The following IPO5 variants were observed in gnomAD, a reference collection of about 807,000 sequenced individuals.
The protein encoded by IPO5 is importin-5.
IPO5 carries 18 observed loss-of-function variants against 143.3 expected under a neutral mutation model. That is an observed-to-expected ratio of 0.13 (90% confidence interval 0.09 to 0.19). The LOEUF (loss-of-function observed/expected upper bound fraction) is 0.19, where lower values mean the gene tolerates loss of function less well. Ranked by LOEUF, IPO5 falls within the 10% of genes least tolerant of loss-of-function variation. IPO5 has a pLI of 1.00. For missense variants in IPO5, 1,013 were observed against 1,336.9 expected (o/e 0.76, Z 3.78); for synonymous variants, 477 against 465.7 (o/e 1.02, Z -0.31).
chr13:97,975,987 G>A (rs748294981), intron 3 of IPO5: 196 of 984,550 alleles, frequency 2.0e-4, no homozygotes, highest in Non-Finnish European at 2.3e-4. Context: ...CGAGAAGTCC[G>A]TGAGTAGAAG....
Position 97,993,001 on chromosome 13 carries a change from A to G in IPO5, c.779A>G (p.Gln260Arg). ...CGTCCTCACTTGGAAGCAACTCTAC[A>G]GCTAAGTCTAAAGGTAAATTAAGTA... ...YLRPHLEATL[Q>R]LSLKLCGDTS... The change falls in exon 10 of 29, where the codon CAG (glutamine) becomes CGG (arginine). Residue 260 changes from glutamine (Q) to arginine (R), a missense_variant. By Grantham distance (43) the Gln-to-Arg change is conservative (BLOSUM62 1). Around this residue, in one of 2 missense-constraint regions of IPO5, gnomAD observed 328 missense variants for 342.0 expected, o/e 0.96. Coordinates refer to ENST00000651721, the MANE Select transcript of IPO5 (RefSeq NM_002271.6). 3.1e-6 allele frequency: 5 copies of G among 1,613,652 alleles called. No individual in the cohort carries two copies. Among genetic ancestry groups the G allele is most frequent in the Non-Finnish European group, 4.2e-6 (5 of 1,179,638 alleles).
intron 3 of IPO5, among the ~76,000 whole-genome samples, chr13:97,975,332 T>C (rs990548308): frequency 3.3e-5 from 5 of 151,832 alleles, no homozygotes. Flanking sequence ...CTACTAAAAA[T>C]ACAAAAAAGT....
chr13:97,987,273 G>A (rs1887446260), intron 6 of IPO5: 1 of 151,670 alleles, frequency 6.6e-6, no homozygotes, highest in Non-Finnish European at 1.5e-5. Flanking sequence ...TTTTTAGACA[G>A]GGATTTATAA....
intron 6 of IPO5, 118 bp from the exon 7 acceptor site, chr13:97,988,944 A>T (rs1211844822): frequency 7.0e-6 from 4 of 569,460 alleles, no homozygotes; most frequent in Non-Finnish European, 1.3e-5. Flanking sequence ...AAAAATAGCA[A>T]AAGTGACATT....
intron 5 of IPO5, among the ~76,000 whole-genome samples, chr13:97,983,650 C>T (rs570033895): frequency 6.9e-6 from 1 of 145,814 alleles, no homozygotes; most frequent in Admixed American, 7.3e-5. Flanking sequence ...GTCTAGAAAA[C>T]TATTCTACCT....
In IPO5 at chr13:98,021,106, T is replaced by G. The variant is rs1330228809; in HGVS notation, c.3180T>G (p.Arg1060=). The G allele has an allele frequency of 1.2e-6, 2 of 1,608,600 alleles. No homozygotes were observed. The highest frequency in any genetic ancestry group is 1.7e-6 in the Non-Finnish European group (2 of 1,178,202). The part of the protein sequence containing the change: ...AIKHEDPCAK[R]LANVVRQVQT... ...AACATGAAGATCCTTGTGCCAAACG[T>G]CTGGCCAATGTCGTTCGCCAAGTAC... Residue 1060 remains arginine, a synonymous_variant, in exon 28 of 29, where the codon CGT becomes CGG. Transcript: ENST00000651721.
At chr13:97,990,036 A>G in intron 7 of IPO5, 90 bp from the exon 8 acceptor site, 1 of 777,912 alleles carries the variant, frequency 1.3e-6, no homozygotes, top group South Asian at 1.6e-5. Flanking sequence ...TGAGTCAGGT[A>G]AACAAACAGT....
chr13:97,975,247 G>C (rs1886172257), intron 3 of IPO5, among the ~76,000 whole-genome samples: 1 of 125,740 alleles, frequency 8.0e-6, no homozygotes, highest in African/African-American at 2.9e-5. Flanking sequence ...GAGGCGGGGG[G>C]AGGGCGGGGG....
At chr13:98,020,884 G>A (rs1193948405) in intron 27 of IPO5, 108 bp from the exon 28 acceptor site, 5 of 786,528 alleles carry the variant, frequency 6.4e-6, no homozygotes, top group Admixed American at 5.9e-5. Context: ...ATATAAGATT[G>A]GCTGGTTTTC....
intron 2 of IPO5, among the ~76,000 whole-genome samples, chr13:97,959,181 AAAAG>A (rs1169261490): frequency 2.6e-5 from 4 of 151,844 alleles, no homozygotes; most frequent in African/African-American, 4.8e-5. Context: ...CAAAAAAAAA[AAAAG>A]AGAGAGAACA....
intron 11 of IPO5, 67 bp downstream of exon 11, chr13:97,993,292 G>T (rs1887953999): frequency 1.5e-6 from 2 of 1,333,698 alleles, no homozygotes; most frequent in Non-Finnish European, 1.1e-6. Context: ...TTTGCTGAGG[G>T]TTGTGTGATT....
intron 13 of IPO5, chr13:98,002,172 G>C (rs1888855685): frequency 1.1e-5 from 2 of 178,428 alleles, no homozygotes; most frequent in South Asian, 2.9e-4. Flanking sequence ...CTGCCACCGT[G>C]CCCGGCTAAT....
In IPO5 at chr13:97,990,078, G is replaced by C. The variant is rs772631020; in HGVS notation, c.468-48G>C. 36 of 1,102,878 alleles carry C rather than the reference G, an allele frequency of 3.3e-5. 1 individual carries two copies. The Admixed American group carries it at 6.3e-4, about 19-fold the overall frequency. 68.3% of individuals were successfully genotyped at this position (1,102,878 alleles called of 1,614,324 possible). On this transcript the variant is annotated intron_variant, in intron 7 of 28. Transcript: ENST00000651721. ...GAGATTCTAGCTCATACTTTACCAA[G>C]ATATTAATATAATGTAGTTTTTAAA...
intron 2 of IPO5, among the ~76,000 whole-genome samples, chr13:97,964,726 G>A (rs944510850): frequency 6.6e-6 from 1 of 151,636 alleles, no homozygotes; most frequent in African/African-American, 2.4e-5. Context: ...TGGGATTACA[G>A]GCGTGAGCCA....
intron 11 of IPO5, among the ~76,000 whole-genome samples, chr13:97,994,568 C>G (rs1458781709): frequency 6.6e-6 from 1 of 152,116 alleles, no homozygotes; most frequent in Non-Finnish European, 1.5e-5. Context: ...TATTGAAAGA[C>G]TAATAGAAGA....
At chr13:98,010,781 T>C (rs1264950632) in intron 20 of IPO5, among the ~76,000 whole-genome samples, 1 of 74,896 alleles carries the variant, frequency 1.3e-5, no homozygotes, top group Non-Finnish European at 2.7e-5. Context: ...AGGATAATCC[T>C]TTTTTTTTTT....
In IPO5 at chr13:98,020,874, A is replaced by AT. The variant is rs1474680362; in HGVS notation, c.3066-117dup. ...TGTAGAAAGAAACTAAAGAGTTCAT[A>AT]TATAAGATTGGCTGGTTTTCTTCCT... On this transcript the variant is annotated intron_variant, in intron 27 of 28. Transcript: ENST00000651721. 3 of 719,552 alleles carry AT rather than the reference A, an allele frequency of 4.2e-6. No homozygotes were observed. In the Admixed American group the frequency reaches 9.5e-5, roughly 23 times the overall value. The allele number at this position is 719,552 out of a possible 1,614,324, so 44.6% of individuals were successfully genotyped here. A position where few individuals can be genotyped will look rare whatever the true frequency, so the allele number is the denominator to read the frequency against.
chr13:97,976,762 C>A lies in IPO5; in HGVS notation c.66C>A (p.Asp22Glu). 7.1e-7 allele frequency: 1 copy of A among 1,410,912 alleles called. No individual in the cohort carries two copies. Among genetic ancestry groups the A allele is most frequent in the African/African-American group, 1.5e-5 (1 of 65,814 alleles). 87.4% of individuals were successfully genotyped at this position (1,410,912 alleles called of 1,614,324 possible). ...TCCTGGGAAACCTGCTCAGCCCCGA[C>A]AATGTGGTCCGGAAACAGGCAGAGG... ...YLLLGNLLSP[D>E]NVVRKQAEET... The change falls in exon 4 of 29, where the codon GAC becomes GAA. Residue 22 changes from aspartate (D) to glutamate (E), a missense_variant. Asp to Glu is a conservative substitution (Grantham distance 45, BLOSUM62 2). Around this residue, in one of 2 missense-constraint regions of IPO5, gnomAD observed 328 missense variants for 342.0 expected, o/e 0.96. Transcript: ENST00000651721.
chr13:97,985,941 G>T (rs1887304291), intron 6 of IPO5, among the ~76,000 whole-genome samples: 1 of 151,940 alleles, frequency 6.6e-6, no homozygotes, highest in Admixed American at 6.6e-5. Flanking sequence ...TGGGCAACAT[G>T]GCAAAACCCC....
Sources: gnomAD v4.1 joint callset for allele counts (sites outside exome capture counted in the v4.1 genomes callset) on GRCh38, gnomAD v4.1.1 for gene constraint, gnomAD v4.1.1 regional missense constraint, MANE v1.5 for transcripts, NCBI Gene and HGNC (gene_info 2026-07-23, HGNC 2026-07-21) for gene names.